Variants in CNTN6 observed in about 807,000 individuals in gnomAD.
CNTN6 encodes contactin 6.
Under a neutral mutation model 122.8 loss-of-function variants are expected in CNTN6, and 137 were observed. That is an observed-to-expected ratio of 1.12 (90% CI 0.97 to 1.29). The LOEUF is 1.29. Among genes scored for constraint, CNTN6 ranks in the 50% most tolerant of loss-of-function variants. The pLI is 0.00. For missense variants in CNTN6, 1,634 were observed against 1,223.4 expected, an observed-to-expected ratio of 1.34 and a Z score of -5.01; for synonymous variants, 570 against 426.0, an observed-to-expected ratio of 1.34 and a Z score of -4.16.
rs550538414 is a variant in CNTN6, at chr3:1,330,528, C to A, written c.1364+593C>A. Among the ~76,000 whole-genome samples the A allele has an allele frequency of 3.1e-4, 47 of 151,980 alleles. 2 individuals are homozygous for A. The South Asian group carries it at 9.4e-3, about 30-fold the overall frequency. On this transcript the variant is annotated intron_variant, in intron 11 of 22. Coordinates refer to ENST00000446702, the MANE Select transcript of CNTN6 (RefSeq NM_001289080.2). Reference sequence around the variant, plus strand: ...GGGTGTTTTTCTCTACTTGTAATATCTTTTATTCTATTGTACCGTAGAGCC... The same window carrying A: ...GGGTGTTTTTCTCTACTTGTAATATATTTTATTCTATTGTACCGTAGAGCC...
At chr3:1,131,759 G>A (rs957014116) in intron 1 of CNTN6, among the ~76,000 whole-genome samples, 2 of 152,058 alleles carry the variant, frequency 1.3e-5, no homozygotes, top group African/African-American at 4.8e-5. Context: ...AATGCCCTTT[G>A]CCTTTTCTAT....
At chr3:1,167,526 G>T (rs2093278753) in intron 2 of CNTN6, among the ~76,000 whole-genome samples, 1 of 152,154 alleles carries the variant, frequency 6.6e-6, no homozygotes, top group Non-Finnish European at 1.5e-5. Flanking sequence ...GAGTCACAAT[G>T]ATCATCACAA....
chr3:1,333,563 C>G (rs1449653303), intron 11 of CNTN6, among the ~76,000 whole-genome samples: 1 of 151,934 alleles, frequency 6.6e-6, no homozygotes, highest in Non-Finnish European at 1.5e-5. Context: ...TTGGAAATAC[C>G]TATGTGAGGA....
At chr3:1,272,539 A>G (rs11928004) in intron 4 of CNTN6, among the ~76,000 whole-genome samples, 8,891 of 152,184 alleles carry the variant, frequency 0.058, 284 homozygotes, top group African/African-American at 0.069. Flanking sequence ...GGGAAAAAAT[A>G]TATATCATTA....
At chr3:1,245,602 G>A (rs752684193) in intron 4 of CNTN6, among the ~76,000 whole-genome samples, 2 of 150,738 alleles carry the variant, frequency 1.3e-5, no homozygotes, top group African/African-American at 4.9e-5. Context: ...CTCAGGTGAC[G>A]GGTACGCCAA....
At chr3:1,110,912 C>G (rs1317141541) in intron 1 of CNTN6, among the ~76,000 whole-genome samples, 1 of 152,118 alleles carries the variant, frequency 6.6e-6, no homozygotes, top group African/African-American at 2.4e-5. Context: ...GTAAAGAACT[C>G]GAATTTTAGA....
intron 4 of CNTN6, among the ~76,000 whole-genome samples, chr3:1,231,296 T>C (rs986801309): frequency 6.6e-6 from 1 of 152,202 alleles, no homozygotes; most frequent in Non-Finnish European, 1.5e-5. Context: ...AAGAACAAGC[T>C]ATGCATCAGA....
At chr3:1,304,212 CCTTA>C (rs1192501764) in intron 7 of CNTN6, among the ~76,000 whole-genome samples, 1 of 152,160 alleles carries the variant, frequency 6.6e-6, no homozygotes, top group Non-Finnish European at 1.5e-5. Context: ...GCTACCAAAA[CCTTA>C]CTTCATTTAT....
intron 5 of CNTN6, among the ~76,000 whole-genome samples, chr3:1,287,427 C>T (rs988021582): frequency 1.3e-5 from 2 of 152,146 alleles, no homozygotes; most frequent in South Asian, 2.1e-4. Flanking sequence ...CCATCTCTTA[C>T]ATTCACTGTA....
chr3:1,325,707 T>A, intron 8 of CNTN6, 108 bp from the exon 9 acceptor site: 1 of 1,154,878 alleles, frequency 8.7e-7, no homozygotes, highest in South Asian at 1.7e-5. Context: ...GCAATCCAAC[T>A]GGACCCAGTT....
intron 6 of CNTN6, among the ~76,000 whole-genome samples, chr3:1,296,581 T>C (rs1339749028): frequency 1.3e-5 from 2 of 152,106 alleles, no homozygotes; most frequent in Non-Finnish European, 2.9e-5. Flanking sequence ...CCTCGTGGAG[T>C]TTTTCTCCCC....
chr3:1,280,527 C>G (rs1011839332), intron 5 of CNTN6, among the ~76,000 whole-genome samples: 1 of 125,968 alleles, frequency 7.9e-6, no homozygotes, highest in Non-Finnish European at 1.6e-5. Flanking sequence ...TGCAGTGGCT[C>G]GATCTTGGCT....
chr3:1,162,411 AC>A (rs1413967596), intron 2 of CNTN6, among the ~76,000 whole-genome samples: 104 of 150,432 alleles, frequency 6.9e-4, no homozygotes, highest in Admixed American at 3.6e-3. Context: ...GGGAAAAAAA[AC>A]CCCTTCTTCT....
intron 2 of CNTN6, among the ~76,000 whole-genome samples, chr3:1,157,400 A>G (rs7615440): frequency 0.19 from 28,587 of 151,656 alleles, 3,469 homozygotes; most frequent in African/African-American, 0.33. Flanking sequence ...TATATTTAGT[A>G]GAGACGGGGC....
At chr3:1,249,809 T>C (rs1328791560) in intron 4 of CNTN6, among the ~76,000 whole-genome samples, 2 of 152,206 alleles carry the variant, frequency 1.3e-5, no homozygotes, top group Non-Finnish European at 2.9e-5. Flanking sequence ...CAAAGGATTT[T>C]ATTTTAATTA....
At chr3:1,265,921 A>G (rs1181691596) in intron 4 of CNTN6, among the ~76,000 whole-genome samples, 1 of 152,176 alleles carries the variant, frequency 6.6e-6, no homozygotes, top group Non-Finnish European at 1.5e-5. Flanking sequence ...TTGTTTGAAA[A>G]AACATATTTA....
intron 20 of CNTN6, among the ~76,000 whole-genome samples, chr3:1,388,995 T>A (rs1417496610): frequency 1.4e-5 from 2 of 144,432 alleles, no homozygotes; most frequent in Non-Finnish European, 3.0e-5. Flanking sequence ...CTCTGCAGGA[T>A]ATTATCCAGG....
intron 4 of CNTN6, among the ~76,000 whole-genome samples, chr3:1,234,964 A>G (rs2094402954): frequency 6.6e-6 from 1 of 152,220 alleles, no homozygotes; most frequent in Non-Finnish European, 1.5e-5. Context: ...GCGTGGTTAA[A>G]TTATAGCAAG....
chr3:1,326,949 A>G (rs6782842), intron 9 of CNTN6, among the ~76,000 whole-genome samples: 3,964 of 151,998 alleles, frequency 0.026, 188 homozygotes, highest in African/African-American at 0.09. Context: ...TCTGTAACAG[A>G]TTTTGGCTGT....
Sources: gnomAD v4.1 joint callset for allele counts (sites outside exome capture counted in the v4.1 genomes callset) on GRCh38, gnomAD v4.1.1 for gene constraint, MANE v1.5 for transcripts, NCBI Gene and HGNC (gene_info 2026-07-23, HGNC 2026-07-21) for gene names.